LRRC40: variants seen among roughly 807,000 people sequenced by gnomAD.
LRRC40 encodes the protein leucine-rich repeat-containing protein 40.
In LRRC40, 76 loss-of-function variants were observed where a neutral mutation model predicts 72.8. The observed-to-expected ratio is 1.04, with a 90% CI of 0.87 to 1.26. The LOEUF is 1.26. Ranked by LOEUF, LRRC40 falls within the 50% of genes most tolerant of loss-of-function variation. The probability of loss-of-function intolerance (pLI) is 0.00; values close to 1 mark genes in which losing one functional copy is unlikely to be tolerated. For synonymous variants in LRRC40, 243 were observed against 254.2 expected (o/e 0.96, Z 0.42); for missense variants, 684 against 698.9 (o/e 0.98, Z 0.24).
rs1162824095 is a variant in LRRC40, at chr1:70,145,918, GA to G, written c.1704-14del. 7.9e-7 allele frequency: 1 copy of G among 1,269,596 alleles called. No homozygotes were observed. The highest frequency in any genetic ancestry group is 1.1e-6 in the Non-Finnish European group (1 of 886,526). The allele number at this position is 1,269,596 out of a possible 1,614,324, so 78.6% of individuals were successfully genotyped here. On this transcript the variant is annotated splice_polypyrimidine_tract_variant and intron_variant, in intron 14 of 14. Transcript: ENST00000370952. ...CAGTAGTAATGTTCTAAACAAAAGA[GA>G]GAAATTGAGAATGTAAACATTTTCC...
chr1:70,150,307 G>A (rs1160423820), intron 13 of LRRC40, among the ~76,000 whole-genome samples: 1 of 152,022 alleles, frequency 6.6e-6, no homozygotes, highest in Non-Finnish European at 1.5e-5. Flanking sequence ...CCAACTTCTG[G>A]AGCCAAACCA....
chr1:70,148,156 A>G, intron 14 of LRRC40, among the ~76,000 whole-genome samples: 1 of 151,460 alleles, frequency 6.6e-6, no homozygotes, highest in Non-Finnish European at 1.5e-5. Flanking sequence ...AAAAAAAAAA[A>G]ACCCTGTATT....
chr1:70,171,128 G>A (rs572603447), intron 9 of LRRC40, among the ~76,000 whole-genome samples: 4 of 151,962 alleles, frequency 2.6e-5, no homozygotes, highest in Non-Finnish European at 5.9e-5. Context: ...TTCAACAAAT[G>A]GTGCTGAGAA....
chr1:70,194,070 G>T (rs571994509), intron 1 of LRRC40, among the ~76,000 whole-genome samples: 1 of 151,952 alleles, frequency 6.6e-6, no homozygotes, highest in Non-Finnish European at 1.5e-5. Context: ...TTTAATAGAG[G>T]TCTTGACCAA....
chr1:70,205,253 G>C (rs776501785), intron 1 of LRRC40, 137 bp downstream of exon 1: 34 of 779,116 alleles, frequency 4.4e-5, no homozygotes, highest in Non-Finnish European at 6.4e-5. Context: ...AATGAGCACA[G>C]GGATTAGATT....
In LRRC40 at chr1:70,155,754, T is replaced by C; in HGVS notation, c.1263A>G (p.Ala421=). ...TAGAAGTGACGATGTTGCTTTTTAC[T>C]GCATCAAACACCTCATCAGGAATCA... The part of the protein sequence containing the change: ...ATLIPDEVFD[A]VKSNIVTSIN... Residue 421 remains alanine (A), a synonymous_variant, in exon 11 of 15, where the codon GCA becomes GCG. Transcript: ENST00000370952. 2 of 1,580,366 alleles carry C rather than the reference T, an allele frequency of 1.3e-6. No homozygotes were observed. The highest frequency in any genetic ancestry group is 2.3e-5 in the South Asian group (2 of 85,556).
At chr1:70,198,667 A>T (rs1303549750) in intron 1 of LRRC40, among the ~76,000 whole-genome samples, 2 of 152,204 alleles carry the variant, frequency 1.3e-5, no homozygotes, top group African/African-American at 4.8e-5. Context: ...TAGAACTGAC[A>T]CTCAGAATGA....
chr1:70,159,308 A>C (rs778634832), intron 10 of LRRC40, 22 bp downstream of exon 10: 1 of 1,138,828 alleles, frequency 8.8e-7, no homozygotes, highest in South Asian at 1.7e-5. Flanking sequence ...TATAAAAATA[A>C]AAATAATAAT....
At chr1:70,168,781 A>G (rs1180282324) in intron 9 of LRRC40, among the ~76,000 whole-genome samples, 1 of 152,224 alleles carries the variant, frequency 6.6e-6, no homozygotes, top group Non-Finnish European at 1.5e-5. Context: ...TCAGGGGCAC[A>G]TTATAATGGA....
At chr1:70,199,987 G>A (rs150446416) in intron 1 of LRRC40, among the ~76,000 whole-genome samples, 22 of 152,116 alleles carry the variant, frequency 1.4e-4, no homozygotes, top group Non-Finnish European at 2.5e-4. Context: ...TACTGGACTG[G>A]GTTAATAGTC....
chr1:70,175,868 C>T lies in LRRC40; in HGVS notation c.919G>A (p.Glu307Lys). ...TCCAAGGACCGTAGTAGTATAATTTCATCTGGAACAGATTTTAACTTGTTA... is the reference window on the plus strand; with the variant it reads ...TCCAAGGACCGTAGTAGTATAATTTTATCTGGAACAGATTTTAACTTGTTA... ...RDNKLKSVPDEIILLRSLERL... is the reference protein window; with the variant it reads ...RDNKLKSVPDKIILLRSLERL... The change falls in exon 7 of 15, where the codon GAA becomes AAA. Residue 307 changes from glutamate to lysine, a missense_variant. Physicochemically the swap from Glu to Lys is moderately conservative, Grantham distance 56 (BLOSUM62 1). Transcript: ENST00000370952. 6.3e-7 allele frequency: 1 copy of T among 1,599,092 alleles called. No homozygotes were observed. Among genetic ancestry groups the T allele is most frequent in the Non-Finnish European group, 8.5e-7 (1 of 1,174,754 alleles).
chr1:70,145,181 C>T lies in LRRC40; in HGVS notation c.*619G>A, dbSNP rs1347314794. ...AAATGTGTACTGAGATTAGCCATAT[C>T]ACAAAAGTCCTATCATGGGTAATGA... On this transcript the variant is annotated 3_prime_UTR_variant, in exon 15 of 15. Coordinates refer to ENST00000370952, the MANE Select transcript of LRRC40 (RefSeq NM_017768.5). The T allele has an allele frequency of 6.6e-6, 1 of 152,102 alleles. No individual in the cohort carries two copies. The highest frequency in any genetic ancestry group is 1.5e-5 in the Non-Finnish European group (1 of 68,008). The allele number at this position is 152,102 out of a possible 1,614,324, so 9.4% of individuals were successfully genotyped here.
At chr1:70,159,794 T>C (rs531169538) in intron 9 of LRRC40, among the ~76,000 whole-genome samples, 1 of 152,292 alleles carries the variant, frequency 6.6e-6, no homozygotes, top group African/African-American at 2.4e-5. Flanking sequence ...AATTTGTTAA[T>C]GAAAGAAAAC....
intron 1 of LRRC40, 95 bp from the exon 2 acceptor site, chr1:70,189,368 T>A: frequency 1.0e-6 from 1 of 1,004,006 alleles, no homozygotes. Context: ...ATAATAGCCA[T>A]TCCATTTATC....
chr1:70,187,478 A>G (rs1668386397), intron 2 of LRRC40, 140 bp from the exon 3 acceptor site: 2 of 540,706 alleles, frequency 3.7e-6, no homozygotes, highest in Non-Finnish European at 6.7e-6. Context: ...ACTGTTCAAC[A>G]TACTTGTTCT....
At chr1:70,160,049 A>G (rs1437947509) in intron 9 of LRRC40, among the ~76,000 whole-genome samples, 2 of 152,168 alleles carry the variant, frequency 1.3e-5, no homozygotes, top group African/African-American at 4.8e-5. Context: ...ATCTCCAGAG[A>G]CTGTTTAACA....
At chr1:70,168,535 C>T (rs745615611) in intron 9 of LRRC40, among the ~76,000 whole-genome samples, 8 of 152,138 alleles carry the variant, frequency 5.3e-5, no homozygotes, top group Admixed American at 1.3e-4. Context: ...AATCTCTTCC[C>T]AAGGGAACTG....
chr1:70,199,663 A>G (rs780136741), intron 1 of LRRC40, among the ~76,000 whole-genome samples: 2 of 152,168 alleles, frequency 1.3e-5, no homozygotes, highest in Non-Finnish European at 2.9e-5. Flanking sequence ...TCTTTTCTCT[A>G]GCTTACTATT....
intron 14 of LRRC40, among the ~76,000 whole-genome samples, chr1:70,146,148 C>T (rs61784322): frequency 6.6e-4 from 100 of 152,204 alleles, no homozygotes; most frequent in Non-Finnish European, 1.2e-3. Flanking sequence ...CCTCAGCCTC[C>T]CGGGTAGCTG....
Sources: allele counts gnomAD v4.1 joint callset (sites outside exome capture counted in the v4.1 genomes callset), GRCh38; gene constraint gnomAD v4.1.1; transcripts MANE v1.5; gene names NCBI Gene and HGNC (gene_info 2026-07-23, HGNC 2026-07-21).